The following KHDRBS2 variants were observed in gnomAD, a reference collection of about 807,000 sequenced individuals.
KHDRBS2 encodes KH domain-containing, RNA-binding, signal transduction-associated protein 2.
A neutral mutation model predicts 44.3 loss-of-function variants in KHDRBS2; 26 were observed. The observed-to-expected ratio is 0.59, with a 90% CI of 0.43 to 0.81. KHDRBS2 has a LOEUF of 0.81. Ranked by LOEUF, KHDRBS2 falls within the 40% of genes least tolerant of loss-of-function variation. The pLI, the probability that KHDRBS2 is intolerant of heterozygous loss-of-function variation, is 0.00. For synonymous variants in KHDRBS2, 194 were observed against 151.1 expected, an observed-to-expected ratio of 1.28 and a Z score of -2.08; for missense variants, 476 against 433.1, an observed-to-expected ratio of 1.10 and a Z score of -0.88.
intron 3 of KHDRBS2, among the ~76,000 whole-genome samples, chr6:61,980,114 C>T (rs1270446450): frequency 6.6e-6 from 1 of 152,102 alleles, no homozygotes; most frequent in Non-Finnish European, 1.5e-5. Context: ...GGAAGATCAT[C>T]ATTTGCTACT....
At chr6:61,981,915 T>C (rs9453842) in intron 3 of KHDRBS2, among the ~76,000 whole-genome samples, 3,361 of 152,284 alleles carry the variant, frequency 0.022, 134 homozygotes, top group African/African-American at 0.077. Flanking sequence ...ATAACCTTGA[T>C]CTCCCTGATA....
chr6:61,838,054 A>G (rs1196892589), intron 6 of KHDRBS2, among the ~76,000 whole-genome samples: 2 of 152,092 alleles, frequency 1.3e-5, no homozygotes, highest in Admixed American at 1.3e-4. Context: ...AGAAAGGAAG[A>G]CATTCTGGAA....
intron 4 of KHDRBS2, among the ~76,000 whole-genome samples, chr6:61,902,863 G>A (rs982963305): frequency 1.3e-5 from 2 of 151,524 alleles, no homozygotes; most frequent in Admixed American, 6.6e-5. Context: ...GAAGCATTCA[G>A]CCTACAAGGA....
intron 2 of KHDRBS2, among the ~76,000 whole-genome samples, chr6:62,161,339 A>G (rs9454507): frequency 0.032 from 4,926 of 151,708 alleles, 269 homozygotes; most frequent in African/African-American, 0.11. Flanking sequence ...TTAAACCATA[A>G]ATTTAAAAAA....
At chr6:62,067,995 G>A (rs546465244) in intron 2 of KHDRBS2, among the ~76,000 whole-genome samples, 1 of 151,518 alleles carries the variant, frequency 6.6e-6, no homozygotes, top group Non-Finnish European at 1.5e-5. Context: ...TAATAATGTT[G>A]TTAGAAAATT....
chr6:62,271,809 T>G (rs550612687), intron 1 of KHDRBS2, among the ~76,000 whole-genome samples: 31 of 152,198 alleles, frequency 2.0e-4, no homozygotes, highest in African/African-American at 7.5e-4. Flanking sequence ...TTTAGCTAAT[T>G]GCAAAAAGTC....
chr6:62,081,168 A>G (rs1797317581), intron 2 of KHDRBS2, among the ~76,000 whole-genome samples: 1 of 152,144 alleles, frequency 6.6e-6, no homozygotes, highest in Non-Finnish European at 1.5e-5. Flanking sequence ...CAATTAAGAT[A>G]CCTTAAAAAG....
At chr6:61,819,530 G>T (rs937356439) in intron 6 of KHDRBS2, among the ~76,000 whole-genome samples, 1 of 151,592 alleles carries the variant, frequency 6.6e-6, no homozygotes, top group Admixed American at 6.6e-5. Context: ...TTGTGTTTTC[G>T]GCATTTTGTT....
chr6:61,892,533 G>T (rs1802058946), intron 6 of KHDRBS2, among the ~76,000 whole-genome samples: 1 of 152,158 alleles, frequency 6.6e-6, no homozygotes, highest in African/African-American at 2.4e-5. Flanking sequence ...AAAACAGCAT[G>T]GTACTGGTAC....
chr6:61,681,695 T>C (rs1766328999), intron 8 of KHDRBS2, among the ~76,000 whole-genome samples: 1 of 151,814 alleles, frequency 6.6e-6, no homozygotes, highest in South Asian at 2.1e-4. Flanking sequence ...AATAAAGAAG[T>C]ATTAGTACAC....
intron 6 of KHDRBS2, among the ~76,000 whole-genome samples, chr6:61,823,048 T>C (rs75008868): frequency 0.067 from 10,118 of 152,032 alleles, 402 homozygotes; most frequent in Middle Eastern, 0.13. Context: ...GGTTAACATA[T>C]ATATGCTAAA....
intron 1 of KHDRBS2, among the ~76,000 whole-genome samples, chr6:62,209,897 T>C (rs1828729092): frequency 6.6e-6 from 1 of 152,190 alleles, no homozygotes; most frequent in African/African-American, 2.4e-5. Flanking sequence ...TCTCAAGCCT[T>C]TGACCACACA....
chr6:61,640,350 T>A, the KHDRBS2 span, among the ~76,000 whole-genome samples: 1 of 152,242 alleles, frequency 6.6e-6, no homozygotes, highest in East Asian at 1.9e-4. Flanking sequence ...TAGAATAATC[T>A]TTCAGTCATT....
At chr6:61,721,095 G>A (rs1369260466) in intron 7 of KHDRBS2, among the ~76,000 whole-genome samples, 18 of 151,886 alleles carry the variant, frequency 1.2e-4, no homozygotes, top group African/African-American at 4.1e-4. Context: ...TTGTGGATAT[G>A]CGGCATTATT....
the KHDRBS2 span, among the ~76,000 whole-genome samples, chr6:61,563,358 T>A: frequency 6.6e-6 from 1 of 152,104 alleles, no homozygotes. Flanking sequence ...TGAAATCACA[T>A]CTTATCTATA....
chr6:61,724,122 T>C (rs1436760361), intron 7 of KHDRBS2, among the ~76,000 whole-genome samples: 1 of 152,104 alleles, frequency 6.6e-6, no homozygotes. Context: ...AACCTCTCAG[T>C]GGAAACCCTA....
the KHDRBS2 span, among the ~76,000 whole-genome samples, chr6:61,674,871 G>C: frequency 1.3e-5 from 2 of 151,620 alleles, no homozygotes; most frequent in African/African-American, 2.4e-5. Flanking sequence ...AAAATATAGA[G>C]AGAATGATAT....
the KHDRBS2 span, among the ~76,000 whole-genome samples, chr6:61,631,297 G>A: frequency 0.053 from 3,179 of 59,894 alleles, 62 homozygotes; most frequent in Middle Eastern, 0.25. Context: ...GGACACAGAC[G>A]AATAAGCCAA....
intron 6 of KHDRBS2, among the ~76,000 whole-genome samples, chr6:61,886,125 A>G (rs1372917705): frequency 6.6e-6 from 1 of 152,094 alleles, no homozygotes; most frequent in East Asian, 1.9e-4. Flanking sequence ...TCCACCCTAG[A>G]CAACTGAGAA....
Sources: allele counts gnomAD v4.1 joint callset (sites outside exome capture counted in the v4.1 genomes callset), GRCh38; gene constraint gnomAD v4.1.1; transcripts MANE v1.5; gene names NCBI Gene and HGNC (gene_info 2026-07-23, HGNC 2026-07-21).